AMOTL1: variants seen among roughly 807,000 people sequenced by gnomAD.
AMOTL1 encodes angiomotin-like protein 1.
AMOTL1 carries 45 observed loss-of-function variants against 102.9 expected under a neutral mutation model. The ratio of observed to expected loss-of-function variants is 0.44; its 90% CI spans 0.34 to 0.56. The LOEUF (loss-of-function observed/expected upper bound fraction) is 0.56, where lower values mean the gene tolerates loss of function less well. Ranked by LOEUF, AMOTL1 falls within the 20% of genes least tolerant of loss-of-function variation. The pLI is 0.01. For missense variants in AMOTL1, 1,114 were observed against 1,225.6 expected, an observed-to-expected ratio of 0.91 and a Z score of 1.36; for synonymous variants, 481 against 484.7, an observed-to-expected ratio of 0.99 and a Z score of 0.10.
At chr11:94,766,350 T>TGA (rs1201109039), upstream of AMOTL1, among the ~76,000 whole-genome samples, 4 of 152,222 alleles carry the variant, frequency 2.6e-5, no homozygotes, top group Admixed American at 2.6e-4. Flanking sequence ...AACCACTCTG[T>TGA]GAGATGCTAT....
upstream of AMOTL1, chr11:94,768,208 C>G (rs1407864106): frequency 2.8e-6 from 3 of 1,079,302 alleles, no homozygotes; most frequent in Non-Finnish European, 3.4e-6. Context: ...TCTCGCGGCC[C>G]GGGGAGGGGC....
intron 2 of AMOTL1, among the ~76,000 whole-genome samples, chr11:94,733,445 A>G (rs1289800672): frequency 1.3e-5 from 2 of 152,374 alleles, no homozygotes; most frequent in Admixed American, 6.5e-5. Context: ...TGGCAAAAAC[A>G]GGGCTACAGC....
chr11:94,737,996 G>A (rs556483170), intron 2 of AMOTL1, among the ~76,000 whole-genome samples: 1 of 152,172 alleles, frequency 6.6e-6, no homozygotes, highest in Non-Finnish European at 1.5e-5. Context: ...AAAAAGACAG[G>A]ATCATAGTAG....
intron 3 of AMOTL1, among the ~76,000 whole-genome samples, chr11:94,806,538 TATTTAA>T: frequency 6.6e-6 from 1 of 152,228 alleles, no homozygotes; most frequent in Non-Finnish European, 1.5e-5. Context: ...CATGGAGCCT[TATTTAA>T]ATTCCACCAG....
intron 2 of AMOTL1, among the ~76,000 whole-genome samples, chr11:94,734,948 T>C (rs1950415969): frequency 1.3e-5 from 2 of 152,210 alleles, no homozygotes; most frequent in African/African-American, 4.8e-5. Flanking sequence ...AGCTCTTTCT[T>C]GCAAAGAGAA....
At chr11:94,757,283 T>C (rs557694924) in intron 3 of AMOTL1, among the ~76,000 whole-genome samples, 10 of 152,204 alleles carry the variant, frequency 6.6e-5, no homozygotes, top group Non-Finnish European at 8.8e-5. Context: ...CTAAGAGCTT[T>C]ACATGTAATT....
intron 1 of AMOTL1, among the ~76,000 whole-genome samples, chr11:94,778,996 AGG>A (rs143400536): frequency 3.3e-5 from 5 of 152,290 alleles, no homozygotes; most frequent in African/African-American, 1.2e-4. Context: ...GAAGTCACGT[AGG>A]GTTACTCCTC....
At chr11:94,745,009 C>T (rs1284174466) in intron 3 of AMOTL1, among the ~76,000 whole-genome samples, 2 of 151,760 alleles carry the variant, frequency 1.3e-5, no homozygotes, top group Admixed American at 6.6e-5. Flanking sequence ...TATCTTTATC[C>T]CAGGGAATGC....
chr11:94,811,040 C>A (rs1237996935), intron 3 of AMOTL1, among the ~76,000 whole-genome samples: 3 of 152,114 alleles, frequency 2.0e-5, no homozygotes, highest in Non-Finnish European at 2.9e-5. Flanking sequence ...AGGAACCAAT[C>A]CCAGGCTATC....
At chr11:94,866,285 G>A in intron 11 of AMOTL1, 117 bp downstream of exon 11, 1 of 1,010,444 alleles carries the variant, frequency 9.9e-7, no homozygotes, top group Non-Finnish European at 1.4e-6. Context: ...TTACTCATCT[G>A]TGAAGTGGGG....
intron 3 of AMOTL1, among the ~76,000 whole-genome samples, chr11:94,754,739 G>A (rs982718599): frequency 5.9e-5 from 9 of 152,178 alleles, no homozygotes; most frequent in African/African-American, 2.2e-4. Context: ...AGTGTAGGTA[G>A]GTTGGTATTT....
chr11:94,709,995 A>G lies in AMOTL1; in HGVS notation c.-51+3398A>G, dbSNP rs551371900. On this transcript the variant is annotated intron_variant, in intron 1 of 4. Coordinates refer to the AMOTL1 transcript ENST00000299004. Reference sequence around the variant, plus strand: ...GACTCGAGAAAGAGACTCATTTACTAACTCGTTTTACCGTTATAATAAAAT... The same window carrying G: ...GACTCGAGAAAGAGACTCATTTACTGACTCGTTTTACCGTTATAATAAAAT... Among the ~76,000 whole-genome samples, 9 of 152,318 alleles carry G rather than the reference A, an allele frequency of 5.9e-5. No homozygotes were observed. In the South Asian group the frequency reaches 1.9e-3, roughly 32 times the overall value.
At chr11:94,715,055 T>C (rs1160279647) in intron 1 of AMOTL1, among the ~76,000 whole-genome samples, 1 of 152,148 alleles carries the variant, frequency 6.6e-6, no homozygotes, top group African/African-American at 2.4e-5. Context: ...AATTCTGATG[T>C]TGTTTCTTCA....
chr11:94,709,771 A>G (rs901020376), intron 1 of AMOTL1, among the ~76,000 whole-genome samples: 2 of 152,088 alleles, frequency 1.3e-5, no homozygotes, highest in Non-Finnish European at 2.9e-5. Context: ...GATAATAACA[A>G]TGTATATTAA....
chr11:94,711,139 T>C (rs1189925874), intron 1 of AMOTL1, among the ~76,000 whole-genome samples: 2 of 152,122 alleles, frequency 1.3e-5, no homozygotes, highest in Non-Finnish European at 2.9e-5. Flanking sequence ...TCAGACCTTG[T>C]GAATACAAAA....
At chr11:94,864,708 A>C (rs924340040) in intron 9 of AMOTL1, 27 bp from the exon 10 acceptor site, 16 of 1,607,774 alleles carry the variant, frequency 1.0e-5, no homozygotes, top group Non-Finnish European at 1.2e-5. Context: ...GTTTCCTATG[A>C]TCAAACGCAT....
chr11:94,832,103 T>C (rs1344212850), intron 6 of AMOTL1, among the ~76,000 whole-genome samples: 1 of 152,234 alleles, frequency 6.6e-6, no homozygotes, highest in Non-Finnish European at 1.5e-5. Context: ...ATTTTATTAA[T>C]TTTAGCAGAG....
chr11:94,771,200 C>G (rs1950943700), intron 1 of AMOTL1, among the ~76,000 whole-genome samples: 1 of 131,534 alleles, frequency 7.6e-6, no homozygotes, highest in Non-Finnish European at 1.5e-5. Context: ...GCTAATATTT[C>G]TGATATATAA....
chr11:94,851,184 C>T (rs1376658487), intron 7 of AMOTL1, among the ~76,000 whole-genome samples: 1 of 152,164 alleles, frequency 6.6e-6, no homozygotes, highest in African/African-American at 2.4e-5. Flanking sequence ...AAACACTTGC[C>T]ACAGAAAGTG....
Sources: allele counts gnomAD v4.1 joint callset (sites outside exome capture counted in the v4.1 genomes callset), GRCh38; gene constraint gnomAD v4.1.1; transcripts MANE v1.5; gene names NCBI Gene and HGNC (gene_info 2026-07-23, HGNC 2026-07-21).